Variants in TRIM9 observed in about 807,000 individuals in gnomAD.
TRIM9 encodes the protein E3 ubiquitin-protein ligase TRIM9.
A neutral mutation model predicts 78.3 loss-of-function variants in TRIM9; 26 were observed. That is an observed-to-expected ratio of 0.33 (90% CI 0.24 to 0.46). The LOEUF is 0.46. TRIM9 is among the 20% of genes least tolerant of loss of function. The pLI is 1.00. For synonymous variants in TRIM9, 398 were observed against 416.5 expected (o/e 0.96, Z 0.54); for missense variants, 787 against 1,036.4 (o/e 0.76, Z 3.30).
At position 51,094,198 on chromosome 14, in the gene TRIM9, CG is replaced by C; in HGVS notation, c.741del (p.Val248CysfsTer34). The C allele has an allele frequency of 6.2e-7, 1 of 1,614,242 alleles. No individual in the cohort carries two copies. The highest frequency in any genetic ancestry group is 8.5e-7 in the Non-Finnish European group (1 of 1,180,044). ...HSMYCVQCKM[P>X]VCYQCLEEGK... ...CCCTCCTCCAAGCACTGGTAGCACA[CG>C]GGCATCTTGCATTGCACGCAGTACA... is the stretch of plus-strand genomic sequence containing the variant. On this transcript the variant is annotated frameshift_variant, in exon 1 of 13. Coordinates refer to ENST00000684578, the MANE Select transcript of TRIM9 (RefSeq NM_001387360.1). LOFTEE classifies it high-confidence loss of function.
At chr14:51,078,473 G>C (rs1566643708) in intron 1 of TRIM9, among the ~76,000 whole-genome samples, 1 of 152,032 alleles carries the variant, frequency 6.6e-6, no homozygotes, top group Non-Finnish European at 1.5e-5. Flanking sequence ...AGAAAATATG[G>C]TATGTATACA....
At chr14:51,046,153 C>T (rs1302124894) in intron 1 of TRIM9, among the ~76,000 whole-genome samples, 3 of 127,534 alleles carry the variant, frequency 2.4e-5, no homozygotes, top group South Asian at 2.4e-4. Flanking sequence ...GGGATGGGGA[C>T]AGGGGTGATG....
chr14:51,072,929 C>T (rs1002841859), intron 1 of TRIM9, among the ~76,000 whole-genome samples: 3 of 152,092 alleles, frequency 2.0e-5, no homozygotes, highest in Non-Finnish European at 4.4e-5. Context: ...TGATTAGTAC[C>T]TCTGGCTCTC....
At chr14:51,015,444 G>T (rs1446619004) in intron 3 of TRIM9, among the ~76,000 whole-genome samples, 1 of 145,306 alleles carries the variant, frequency 6.9e-6, no homozygotes, top group African/African-American at 2.6e-5. Flanking sequence ...TTTTACATGT[G>T]GTTCTTTTAA....
At chr14:51,040,544 A>G (rs1017164890) in intron 1 of TRIM9, among the ~76,000 whole-genome samples, 1 of 152,166 alleles carries the variant, frequency 6.6e-6, no homozygotes, top group African/African-American at 2.4e-5. Flanking sequence ...GGAGTGAGGG[A>G]TTGGACAACA....
chr14:51,066,990 GTTTAA>G (rs2061802907), intron 1 of TRIM9, among the ~76,000 whole-genome samples: 2 of 152,310 alleles, frequency 1.3e-5, no homozygotes, highest in East Asian at 1.9e-4. Flanking sequence ...GCCAAATTTA[GTTTAA>G]TTTAACAGGA....
At chr14:51,047,634 A>G (rs2060050208) in intron 1 of TRIM9, among the ~76,000 whole-genome samples, 1 of 151,156 alleles carries the variant, frequency 6.6e-6, no homozygotes, top group Non-Finnish European at 1.5e-5. Flanking sequence ...GGTAAGTAGG[A>G]TAAGGCAACA....
intron 1 of TRIM9, among the ~76,000 whole-genome samples, chr14:51,080,503 T>G (rs1034670155): frequency 1.3e-5 from 2 of 149,644 alleles, no homozygotes; most frequent in Non-Finnish European, 3.0e-5. Flanking sequence ...AAAAAATGAG[T>G]CTTTGGATGT....
intron 1 of TRIM9, among the ~76,000 whole-genome samples, chr14:51,025,567 C>T (rs2058140403): frequency 6.6e-6 from 1 of 152,172 alleles, no homozygotes; most frequent in African/African-American, 2.4e-5. Context: ...GTGAACACTT[C>T]TGGCCACAGC....
At chr14:51,088,732 A>G (rs2064017542) in intron 1 of TRIM9, among the ~76,000 whole-genome samples, 1 of 152,154 alleles carries the variant, frequency 6.6e-6, no homozygotes, top group South Asian at 2.1e-4. Context: ...AGGCTAATAA[A>G]AGCTACCTAG....
At chr14:51,031,147 CAAAAAAAAAAA>C (rs1210514761) in intron 1 of TRIM9, among the ~76,000 whole-genome samples, 1 of 100,768 alleles carries the variant, frequency 9.9e-6, no homozygotes, top group Non-Finnish European at 1.9e-5. Context: ...AAACTCTTTC[CAAAAAAAAAAA>C]AAAAAAAGAA....
intron 5 of TRIM9, among the ~76,000 whole-genome samples, chr14:51,002,962 C>T (rs1024474792): frequency 6.6e-6 from 1 of 152,196 alleles, no homozygotes; most frequent in Non-Finnish European, 1.5e-5. Flanking sequence ...GCTACAGCTA[C>T]TGCAGGCTCA....
chr14:51,081,247 A>T (rs759403980), intron 1 of TRIM9, among the ~76,000 whole-genome samples: 1 of 152,266 alleles, frequency 6.6e-6, no homozygotes, highest in Non-Finnish European at 1.5e-5. Flanking sequence ...ACATGAAAAG[A>T]TTCTCAACAT....
At chr14:51,053,575 ATTTTC>A (rs1340012445) in intron 1 of TRIM9, among the ~76,000 whole-genome samples, 1 of 75,732 alleles carries the variant, frequency 1.3e-5, no homozygotes, top group Non-Finnish European at 2.7e-5. Context: ...TTACTTTTTA[ATTTTC>A]TTTTTTTTTT....
At chr14:51,024,205 C>A (rs2058019439) in intron 2 of TRIM9, among the ~76,000 whole-genome samples, 1 of 152,188 alleles carries the variant, frequency 6.6e-6, no homozygotes, top group Non-Finnish European at 1.5e-5. Flanking sequence ...AGAAAGAAAG[C>A]TTTGCTCTGA....
At chr14:51,005,053 T>A (rs577451362) in intron 5 of TRIM9, among the ~76,000 whole-genome samples, 70 of 152,240 alleles carry the variant, frequency 4.6e-4, no homozygotes, top group Non-Finnish European at 8.2e-4. Flanking sequence ...GAGGAAAGTT[T>A]AGACTTTAGC....
intron 1 of TRIM9, among the ~76,000 whole-genome samples, chr14:51,052,615 T>C (rs552818439): frequency 6.6e-5 from 10 of 152,354 alleles, no homozygotes; most frequent in Middle Eastern, 3.4e-3. Flanking sequence ...GAGCCTCTGA[T>C]TTAAAGTAGG....
intron 7 of TRIM9, chr14:50,997,712 G>C (rs2054403821): frequency 1.3e-5 from 15 of 1,192,604 alleles, no homozygotes; most frequent in Non-Finnish European, 1.6e-5. Context: ...GAGAATGGGA[G>C]CCTGCTCTAG....
intron 7 of TRIM9, chr14:50,997,193 A>T: frequency 1.0e-6 from 1 of 985,412 alleles, no homozygotes. Flanking sequence ...GTTTAATTTC[A>T]TGTGTCTTGC....
Sources: gnomAD v4.1 joint callset for allele counts (sites outside exome capture counted in the v4.1 genomes callset) on GRCh38, gnomAD v4.1.1 for gene constraint, MANE v1.5 for transcripts, NCBI Gene and HGNC (gene_info 2026-07-23, HGNC 2026-07-21) for gene names.